Variants in CENPP observed in about 807,000 individuals in gnomAD.
CENPP encodes the protein centromere protein P.
In CENPP, 24 loss-of-function variants were observed where a neutral mutation model predicts 35.6. That is an observed-to-expected ratio of 0.67 (90% CI 0.49 to 0.95). CENPP has a LOEUF of 0.95. CENPP is among the 40% of genes least tolerant of loss of function. The pLI is 0.00. For missense variants in CENPP, 332 were observed against 345.3 expected, an observed-to-expected ratio of 0.96 and a Z score of 0.31; for synonymous variants, 120 against 125.5, an observed-to-expected ratio of 0.96 and a Z score of 0.29.
chr9:92,594,130 C>G (rs758610523), intron 5 of CENPP, among the ~76,000 whole-genome samples: 19 of 152,176 alleles, frequency 1.2e-4, no homozygotes, highest in Non-Finnish European at 2.5e-4. Flanking sequence ...TCTGTATTGT[C>G]TTTGCAATTT....
intron 5 of CENPP, among the ~76,000 whole-genome samples, chr9:92,589,962 T>TA (rs1449708013): frequency 6.6e-6 from 1 of 152,220 alleles, no homozygotes; most frequent in Non-Finnish European, 1.5e-5. Context: ...AAGCTCAAAC[T>TA]ACACAGTATC....
At chr9:92,517,306 A>G (rs2296668) in intron 5 of CENPP, 170,236 of 270,616 alleles carry the variant, frequency 0.63, 56,280 homozygotes, top group African/African-American at 0.89. Context: ...TGGCTTCAAG[A>G]TGATAAAGGC....
chr9:92,558,841 G>T (rs901615611), intron 5 of CENPP, among the ~76,000 whole-genome samples: 1 of 152,030 alleles, frequency 6.6e-6, no homozygotes, highest in Non-Finnish European at 1.5e-5. Context: ...AGATTCCCAG[G>T]TCACTGGAGT....
At chr9:92,429,878 A>G (rs1029170087) in intron 5 of CENPP, among the ~76,000 whole-genome samples, 1 of 152,208 alleles carries the variant, frequency 6.6e-6, no homozygotes, top group African/African-American at 2.4e-5. Context: ...AGAAGCAAAT[A>G]CATATATTTA....
chr9:92,525,826 G>A lies in CENPP; in HGVS notation c.565-85488G>A, dbSNP rs117521165. ...AATCGCTTAAACCCGGGAGGCGGAGGTTGCACTGAGTAGCTAGGACTACAG... is the reference window on the plus strand; with the variant it reads ...AATCGCTTAAACCCGGGAGGCGGAGATTGCACTGAGTAGCTAGGACTACAG... On this transcript the variant is annotated intron_variant, in intron 5 of 7. Coordinates refer to ENST00000375587, the MANE Select transcript of CENPP (RefSeq NM_001012267.3). 4.9e-3 allele frequency among the ~76,000 whole-genome samples: 724 copies of A among 147,384 alleles called. 6 individuals carry two copies. Among genetic ancestry groups the A allele is most frequent in the Non-Finnish European group, 6.8e-3 (462 of 67,448 alleles).
chr9:92,567,391 T>TATATATATAG (rs374567670), intron 5 of CENPP, among the ~76,000 whole-genome samples: 36 of 98,376 alleles, frequency 3.7e-4, no homozygotes, highest in Admixed American at 2.8e-3. Flanking sequence ...TATATATATA[T>TATATATATAG]ATATAGATAT....
chr9:92,473,262 G>A (rs575782676), intron 5 of CENPP, among the ~76,000 whole-genome samples: 14 of 152,202 alleles, frequency 9.2e-5, no homozygotes, highest in South Asian at 2.1e-4. Context: ...CTGCTCTGCC[G>A]TGGCACATAT....
chr9:92,438,176 G>T (rs1304318992), intron 5 of CENPP, among the ~76,000 whole-genome samples: 1 of 152,048 alleles, frequency 6.6e-6, no homozygotes, highest in Non-Finnish European at 1.5e-5. Context: ...TTTGCCTCAG[G>T]TCTTAAATAT....
chr9:92,492,607 C>A (rs756501318), intron 5 of CENPP, among the ~76,000 whole-genome samples: 29 of 152,132 alleles, frequency 1.9e-4, no homozygotes, highest in Non-Finnish European at 4.0e-4. Flanking sequence ...TTTCTCCCCT[C>A]GTTGGTAACA....
chr9:92,401,196 A>G, intron 5 of CENPP: 1 of 1,275,576 alleles, frequency 7.8e-7, no homozygotes, highest in East Asian at 2.3e-5. Context: ...CTATTGGAAA[A>G]ATAAAAGTTT....
chr9:92,612,505 G>A lies in CENPP; in HGVS notation c.645-18G>A. On this transcript the variant is annotated intron_variant, in intron 6 of 7. Coordinates refer to ENST00000375587, the MANE Select transcript of CENPP (RefSeq NM_001012267.3). ...GATTTCAAAAAGCACATAACGACAT[G>A]TTTTACTGCTTTTTCAGGTTTGAAT... 4 of 1,592,652 alleles carry A rather than the reference G, an allele frequency of 2.5e-6. No individual in the cohort carries two copies. The highest frequency in any genetic ancestry group is 3.4e-6 in the Non-Finnish European group (4 of 1,160,338).
rs969958319 is a variant in CENPP, at chr9:92,510,922, G to A, written c.565-100392G>A. Reference sequence around the variant, plus strand: ...TCTGCCAGACTCCAGATAAGAAACAGGAAATGAGAATAGAAGAGACCAGTG... The same window carrying A: ...TCTGCCAGACTCCAGATAAGAAACAAGAAATGAGAATAGAAGAGACCAGTG... On this transcript the variant is annotated intron_variant, in intron 5 of 7. Coordinates refer to ENST00000375587, the MANE Select transcript of CENPP (RefSeq NM_001012267.3). Among the ~76,000 whole-genome samples the A allele has an allele frequency of 2.0e-5, 3 of 152,138 alleles. No homozygotes were observed. The East Asian group carries it at 5.8e-4, about 29-fold the overall frequency.
chr9:92,557,054 G>T (rs907540605), intron 5 of CENPP, among the ~76,000 whole-genome samples: 3 of 152,174 alleles, frequency 2.0e-5, no homozygotes, highest in Admixed American at 1.3e-4. Context: ...GCATTTGTTT[G>T]TCTGAAAACG....
At chr9:92,547,136 G>A (rs1308223847) in intron 5 of CENPP, among the ~76,000 whole-genome samples, 2 of 152,134 alleles carry the variant, frequency 1.3e-5, no homozygotes, top group African/African-American at 4.8e-5. Flanking sequence ...CAAACACTTT[G>A]TGATCATCTT....
intron 5 of CENPP, chr9:92,515,331 A>C: frequency 1.6e-6 from 2 of 1,215,172 alleles, no homozygotes; most frequent in East Asian, 5.9e-5. Flanking sequence ...TAAAGATGAA[A>C]TGCACCTTGA....
At chr9:92,488,554 A>G (rs1023010626) in intron 5 of CENPP, among the ~76,000 whole-genome samples, 2 of 152,194 alleles carry the variant, frequency 1.3e-5, no homozygotes, top group Non-Finnish European at 2.9e-5. Context: ...CCATCCTTCA[A>G]ATAGTTAAGA....
At chr9:92,376,410 C>T (rs961496216) in intron 4 of CENPP, among the ~76,000 whole-genome samples, 16 of 152,048 alleles carry the variant, frequency 1.1e-4, no homozygotes, top group African/African-American at 3.6e-4. Flanking sequence ...GTTCATTGTC[C>T]CACAGCCACG....
intron 5 of CENPP, among the ~76,000 whole-genome samples, chr9:92,560,868 CTTTTT>C (rs58467942): frequency 3.2e-5 from 4 of 126,150 alleles, no homozygotes; most frequent in East Asian, 2.4e-4. Flanking sequence ...TTTTTCTTGT[CTTTTT>C]TTTTTTTTTT....
chr9:92,585,134 G>A (rs904902187), intron 5 of CENPP, among the ~76,000 whole-genome samples: 1 of 152,210 alleles, frequency 6.6e-6, no homozygotes, highest in Non-Finnish European at 1.5e-5. Flanking sequence ...AATGTTTACA[G>A]GTGATGCCTG....
Sources: allele counts gnomAD v4.1 joint callset (sites outside exome capture counted in the v4.1 genomes callset), GRCh38; gene constraint gnomAD v4.1.1; transcripts MANE v1.5; gene names NCBI Gene and HGNC (gene_info 2026-07-23, HGNC 2026-07-21).